Variants in MTCL2 observed in about 807,000 individuals in gnomAD.
MTCL2 encodes microtubule crosslinking factor 2.
the MTCL2 span, chr20:36,812,605 A>G: frequency 6.7e-7 from 1 of 1,496,120 alleles, no homozygotes; most frequent in Non-Finnish European, 9.0e-7. Context: ...CCAAACCCAT[A>G]TCCTCACCAG....
At chr20:36,827,227 A>G in the MTCL2 span, among the ~76,000 whole-genome samples, 1 of 150,850 alleles carries the variant, frequency 6.6e-6, no homozygotes, top group Non-Finnish European at 1.5e-5. Flanking sequence ...TTTTTTTTGT[A>G]TTTTTAGTAG....
the MTCL2 span, among the ~76,000 whole-genome samples, chr20:36,856,839 C>CGTGTGT: frequency 1.3e-5 from 2 of 150,476 alleles, no homozygotes; most frequent in Non-Finnish European, 1.5e-5. Context: ...AATGTCACAG[C>CGTGTGT]GTGTGTGTGT....
the MTCL2 span, among the ~76,000 whole-genome samples, chr20:36,837,546 ACATTATTAT>A: frequency 0.016 from 2,174 of 135,020 alleles, 54 homozygotes; most frequent in African/African-American, 0.054. Context: ...CATTTTACCC[ACATTATTAT>A]TATTATTATT....
chr20:36,817,307 G>T, the MTCL2 span: 1 of 973,480 alleles, frequency 1.0e-6, no homozygotes, highest in Non-Finnish European at 1.5e-6. Flanking sequence ...AGGAAAATGA[G>T]CAAGGGGAGG....
the MTCL2 span, among the ~76,000 whole-genome samples, chr20:36,857,065 G>A: frequency 6.6e-6 from 1 of 152,226 alleles, no homozygotes; most frequent in Non-Finnish European, 1.5e-5. Flanking sequence ...AGGCAGGGGA[G>A]GTACCCGGGT....
chr20:36,836,008 GCA>G, the MTCL2 span, among the ~76,000 whole-genome samples: 7 of 151,884 alleles, frequency 4.6e-5, no homozygotes, highest in East Asian at 1.4e-3. Flanking sequence ...ATGCCCAAAC[GCA>G]GATTCCTCTG....
the MTCL2 span, chr20:36,794,139 C>T: frequency 3.9e-5 from 60 of 1,551,222 alleles, no homozygotes; most frequent in East Asian, 4.9e-5. The surrounding 1 kb of genome is among the most constrained non-coding windows in gnomAD (Gnocchi z 5.4). Flanking sequence ...GCTGAGCCTC[C>T]GTCCAGGCGC....
the MTCL2 span, among the ~76,000 whole-genome samples, chr20:36,848,241 G>A: frequency 2.1e-4 from 32 of 152,166 alleles, no homozygotes; most frequent in Non-Finnish European, 3.5e-4. Context: ...GTCTGTCTAC[G>A]TAGGGAACCT....
chr20:36,829,986 C>T, the MTCL2 span, among the ~76,000 whole-genome samples: 1 of 151,514 alleles, frequency 6.6e-6, no homozygotes, highest in African/African-American at 2.4e-5. Flanking sequence ...GCAATAAGAG[C>T]AAAACTTTGT....
the MTCL2 span, among the ~76,000 whole-genome samples, chr20:36,842,894 G>A: frequency 6.6e-6 from 1 of 152,216 alleles, no homozygotes; most frequent in Admixed American, 6.5e-5. Flanking sequence ...GGGTCCAAGG[G>A]GCAAGAAGGC....
At chr20:36,816,490 A>G in the MTCL2 span, among the ~76,000 whole-genome samples, 1 of 152,026 alleles carries the variant, frequency 6.6e-6, no homozygotes, top group Non-Finnish European at 1.5e-5. Context: ...GACAGCAAGG[A>G]TGGGGCGCCA....
chr20:36,784,566 C>T, the MTCL2 span: 1 of 985,514 alleles, frequency 1.0e-6, no homozygotes, highest in Non-Finnish European at 1.2e-6. Flanking sequence ...TCTGGGTCCC[C>T]AGTCAGTTAC....
chr20:36,835,314 G>A, the MTCL2 span, among the ~76,000 whole-genome samples: 1 of 152,140 alleles, frequency 6.6e-6, no homozygotes, highest in African/African-American at 2.4e-5. Context: ...GGGTTGGGGG[G>A]GGGCACTGAG....
chr20:36,795,491 C>T, the MTCL2 span, among the ~76,000 whole-genome samples: 1 of 152,046 alleles, frequency 6.6e-6, no homozygotes, highest in South Asian at 2.1e-4. Context: ...TGGGATCATA[C>T]TTGGCTGTCC....
the MTCL2 span, chr20:36,859,617 T>C: frequency 1.6e-6 from 2 of 1,231,620 alleles, no homozygotes; most frequent in Non-Finnish European, 2.0e-6. Context: ...GGGAGAGAGT[T>C]GCCCGATTTA....
the MTCL2 span, among the ~76,000 whole-genome samples, chr20:36,832,659 C>T: frequency 1.3e-5 from 2 of 152,116 alleles, no homozygotes. Context: ...CATGGTAAAA[C>T]CCCGTCTTTG....
the MTCL2 span, chr20:36,859,656 A>G: frequency 8.1e-7 from 1 of 1,231,776 alleles, no homozygotes; most frequent in Non-Finnish European, 1.0e-6. Flanking sequence ...CCCAGAGCAG[A>G]CCATACCAGA....
the MTCL2 span, chr20:36,777,911 A>G: frequency 1.7e-6 from 1 of 603,584 alleles, no homozygotes; most frequent in African/African-American, 2.0e-5. Context: ...AGGAGGAGGA[A>G]CTGGGGATTT....
chr20:36,808,481 A>G, the MTCL2 span: 2 of 1,548,852 alleles, frequency 1.3e-6, no homozygotes, highest in East Asian at 2.4e-5. Context: ...CCCAGCCCAC[A>G]CTCCCAGTCC....
Sources: allele counts gnomAD v4.1 joint callset (sites outside exome capture counted in the v4.1 genomes callset), GRCh38; gene constraint gnomAD v4.1.1; non-coding constraint Gnocchi (gnomAD v3.1); transcripts MANE v1.5; gene names NCBI Gene and HGNC (gene_info 2026-07-23, HGNC 2026-07-21).